The following RBM28 variants were observed in gnomAD, a reference collection of about 807,000 sequenced individuals.
RBM28 encodes RNA binding motif protein 28.
In RBM28, 78 loss-of-function variants were observed where a neutral mutation model predicts 98.3. The ratio of observed to expected loss-of-function variants is 0.79; its 90% confidence interval spans 0.66 to 0.96. RBM28 has a LOEUF of 0.96. RBM28 is among the 40% of genes least tolerant of loss of function. The pLI is 0.00. For synonymous variants in RBM28, 306 were observed against 330.9 expected (o/e 0.92, Z 0.82); for missense variants, 838 against 913.0 (o/e 0.92, Z 1.06).
At chr7:128,318,385 G>T (rs1796150625) in intron 14 of RBM28, among the ~76,000 whole-genome samples, 1 of 151,246 alleles carries the variant, frequency 6.6e-6, no homozygotes, top group Non-Finnish European at 1.5e-5. Flanking sequence ...GAAGCAGGAG[G>T]ATCACCTGAG....
Position 128,306,192 on chromosome 7 carries a change from G to A in RBM28, c.*4605C>T, listed in dbSNP as rs1795864806. On this transcript the variant is annotated 3_prime_UTR_variant, in exon 19 of 19. Coordinates refer to ENST00000223073, the MANE Select transcript of RBM28 (RefSeq NM_018077.3). ...GAAGGGGTCACAATGCCCTGGGATG[G>A]CTGAGGTCCCCACGGAGATGTTGGG... 2 of 152,300 alleles carry A rather than the reference G, an allele frequency of 1.3e-5. No individual in the cohort carries two copies. Among genetic ancestry groups the A allele is most frequent in the Admixed American group, 1.3e-4 (2 of 15,284 alleles). 9.4% of individuals were successfully genotyped at this position (152,300 alleles called of 1,614,324 possible). A position where few individuals can be genotyped will look rare whatever the true frequency, so the allele number is the denominator to read the frequency against.
At chr7:128,315,088 A>C in intron 16 of RBM28, 68 bp from the exon 17 acceptor site, 1 of 1,594,818 alleles carries the variant, frequency 6.3e-7, no homozygotes, top group South Asian at 1.1e-5. Context: ...ACTCAGCAGA[A>C]GATGAGCTTT....
At chr7:128,333,001 C>T (rs1796515286) in intron 9 of RBM28, among the ~76,000 whole-genome samples, 2 of 152,170 alleles carry the variant, frequency 1.3e-5, no homozygotes, top group Admixed American at 6.5e-5. Flanking sequence ...AAACAAAGGC[C>T]GGAAGCAAGA....
chr7:128,317,876 A>T, intron 15 of RBM28, 81 bp downstream of exon 15: 1 of 1,576,984 alleles, frequency 6.3e-7, no homozygotes, highest in South Asian at 1.1e-5. Context: ...CAAATGTCAG[A>T]GGACACTAGG....
At position 128,335,938 on chromosome 7, in the gene RBM28, C is replaced by T. The variant is rs113178095; in HGVS notation, c.718G>A (p.Asp240Asn). The T allele has an allele frequency of 6.2e-7, 1 of 1,604,788 alleles. No individual in the cohort carries two copies. The highest frequency in any genetic ancestry group is 8.5e-7 in the Non-Finnish European group (1 of 1,171,706). ...EEENDDDDDD[D>N]DEEDGVFDDE... is the part of the protein sequence containing the mutation. ...TCAAAAACCCCATCTTCTTCATCAT[C>T]ATCATCGTCATCATCATCGTTTTCT... Residue 240 changes from aspartate (D) to asparagine (N), a missense_variant, in exon 7 of 19, where the codon GAT becomes AAT. Physicochemically the swap from Asp to Asn is conservative, Grantham distance 23. Transcript: ENST00000223073.
In RBM28 at chr7:128,312,684, C is replaced by G. The variant is rs1042044352; in HGVS notation, c.2145+491G>C. Among the ~76,000 whole-genome samples, 4 of 151,976 alleles carry G rather than the reference C, an allele frequency of 2.6e-5. 1 individual carries two copies. The highest frequency in any genetic ancestry group is 2.0e-4 in the Admixed American group (3 of 15,258). On this transcript the variant is annotated intron_variant, in intron 18 of 18. Transcript: ENST00000223073. ...GACTTTGGATCCCGACTCATACTAACCAAGTATAAAAAAATTTTTTTCAGG... is the reference window on the plus strand; with the variant it reads ...GACTTTGGATCCCGACTCATACTAAGCAAGTATAAAAAAATTTTTTTCAGG...
At chr7:128,327,922 C>T (rs1214167046) in intron 10 of RBM28, among the ~76,000 whole-genome samples, 1 of 152,194 alleles carries the variant, frequency 6.6e-6, no homozygotes, top group Non-Finnish European at 1.5e-5. Flanking sequence ...CTCTCAGATG[C>T]TGCCATATTT....
chr7:128,315,682 G>C (rs1796092665), intron 16 of RBM28, among the ~76,000 whole-genome samples: 1 of 152,006 alleles, frequency 6.6e-6, no homozygotes, highest in Non-Finnish European at 1.5e-5. Context: ...AGGGAGTGAA[G>C]TGAGATATTT....
intron 12 of RBM28, among the ~76,000 whole-genome samples, chr7:128,324,156 T>G (rs752661285): frequency 6.6e-6 from 1 of 152,214 alleles, no homozygotes; most frequent in East Asian, 1.9e-4. Flanking sequence ...AAAGCTAATT[T>G]TTTTGTCTTT....
At chr7:128,340,325 A>G (rs1430815475) in intron 1 of RBM28, among the ~76,000 whole-genome samples, 1 of 152,148 alleles carries the variant, frequency 6.6e-6, no homozygotes, top group African/African-American at 2.4e-5. Flanking sequence ...TAATAGATTA[A>G]TGGGCTATCA....
chr7:128,325,856 C>G lies in RBM28; in HGVS notation c.1165G>C (p.Ala389Pro), dbSNP rs1225585013. Residue 389 changes from alanine (A) to proline (P), a missense_variant, in exon 11 of 19, where the codon GCT becomes CCT. Coordinates refer to ENST00000223073, the MANE Select transcript of RBM28 (RefSeq NM_018077.3). Reference protein sequence around the residue: ...AFAQFMTQEAAQKCLLAASPE... With the variant: ...AFAQFMTQEAPQKCLLAASPE... ...GAAGCAGCTAGAAGGCATTTCTGAG[C>G]TGCTTCTTGAGTCATGAACTGGGCA... 6.2e-7 allele frequency: 1 copy of G among 1,613,700 alleles called. No homozygotes were observed. Among genetic ancestry groups the G allele is most frequent in the African/African-American group, 1.3e-5 (1 of 74,908 alleles).
At chr7:128,342,500 A>G (rs1209613531) in intron 1 of RBM28, among the ~76,000 whole-genome samples, 1 of 151,974 alleles carries the variant, frequency 6.6e-6, no homozygotes, top group East Asian at 1.9e-4. Context: ...TGGCCAACAT[A>G]GCGAAACCCC....
Position 128,304,579 on chromosome 7 carries a change from G to A in RBM28, c.*6218C>T, listed in dbSNP as rs994829098. ...TTCCCAGGGCCACTTGCCAACCCAG[G>A]GAGGTTTTCCATCTTGCTGGTTTGG... On this transcript the variant is annotated 3_prime_UTR_variant, in exon 19 of 19. Transcript: ENST00000223073. 2 of 152,390 alleles carry A rather than the reference G, an allele frequency of 1.3e-5. No individual in the cohort carries two copies. 9.4% of individuals were successfully genotyped at this position (152,390 alleles called of 1,614,324 possible).
intron 5 of RBM28, among the ~76,000 whole-genome samples, 192 bp from the exon 6 acceptor site, chr7:128,337,394 G>A (rs1235871975): frequency 6.6e-6 from 1 of 152,016 alleles, no homozygotes; most frequent in Non-Finnish European, 1.5e-5. Context: ...TTTTATCAAT[G>A]AACAGAAATT....
In RBM28 at chr7:128,339,268, C is replaced by T. The variant is rs1217757780; in HGVS notation, c.331G>A (p.Asp111Asn). 6.2e-7 allele frequency: 1 copy of T among 1,613,832 alleles called. No homozygotes were observed. The highest frequency in any genetic ancestry group is 8.5e-7 in the Non-Finnish European group (1 of 1,179,716). Residue 111 changes from aspartate to asparagine, a missense_variant, in exon 3 of 19, where the codon GAT (aspartate) becomes AAT (asparagine). Asp to Asn is a conservative substitution (Grantham distance 23). Transcript: ENST00000223073. Reference protein sequence around the residue: ...EPKAKKAKVADKKARLIIRNL... With the variant: ...EPKAKKAKVANKKARLIIRNL... ...CGAATAATTAATCTGGCTTTCTTAT[C>T]TGCCACTTTGGCTTTTTTAGCCTTC...
At chr7:128,315,437 A>C (rs751238881) in intron 16 of RBM28, among the ~76,000 whole-genome samples, 1 of 152,252 alleles carries the variant, frequency 6.6e-6, no homozygotes, top group Non-Finnish European at 1.5e-5. Context: ...CTCAGAGAAG[A>C]CCAAATAAGA....
chr7:128,315,019 T>C lies in RBM28; in HGVS notation c.1790A>G (p.Gln597Arg), dbSNP rs760663325. Residue 597 changes from glutamine (Q) to arginine (R), a missense_variant and splice_region_variant, in exon 17 of 19, where the codon CAA (glutamine) becomes CGA (arginine). Transcript: ENST00000223073. ...AGTTGCAGGCTTGGATCTCATTTTT[T>C]GCTGCATAAAACAAGAAAATGCCAT... ...MKELRIQRSL[Q>R]KMRSKPATGE... 4 of 1,614,242 alleles carry C rather than the reference T, an allele frequency of 2.5e-6. No homozygotes were observed. Among genetic ancestry groups the C allele is most frequent in the Non-Finnish European group, 3.4e-6 (4 of 1,180,050 alleles).
chr7:128,331,249 G>A (rs966599431), intron 9 of RBM28, among the ~76,000 whole-genome samples: 2 of 151,710 alleles, frequency 1.3e-5, no homozygotes, highest in African/African-American at 4.9e-5. Flanking sequence ...TCTGGGTGGT[G>A]GCTACATGGA....
chr7:128,324,697 G>A lies in RBM28; in HGVS notation c.1204-3C>T. The A allele has an allele frequency of 6.2e-7, 1 of 1,614,164 alleles. No individual in the cohort carries two copies. The highest frequency in any genetic ancestry group is 8.5e-7 in the Non-Finnish European group (1 of 1,180,036). On this transcript the variant is annotated splice_polypyrimidine_tract_variant and splice_region_variant and intron_variant, in intron 11 of 18. Transcript: ENST00000223073. ...CCATCCAGTTTAAGCCCACCAGCCT[G>A]TAACAGATCACAACCCTTTCTTAAA...
Sources: allele counts gnomAD v4.1 joint callset (sites outside exome capture counted in the v4.1 genomes callset), GRCh38; gene constraint gnomAD v4.1.1; transcripts MANE v1.5; gene names NCBI Gene and HGNC (gene_info 2026-07-23, HGNC 2026-07-21).